Variants in SETD1B observed in about 807,000 individuals in gnomAD.
The protein encoded by SETD1B is SET domain containing 1B, histone lysine methyltransferase.
A neutral mutation model predicts 148.0 loss-of-function variants in SETD1B; 7 were observed. That is an observed-to-expected ratio of 0.05 (90% confidence interval 0.03 to 0.09). SETD1B has a LOEUF of 0.09. Among genes scored for constraint, SETD1B ranks in the 10% least tolerant of loss-of-function variants. SETD1B has a pLI of 1.00. For missense variants in SETD1B, 2,155 were observed against 2,729.9 expected (o/e 0.79, Z 4.69); for synonymous variants, 1,361 against 1,186.5 (o/e 1.15, Z -3.02).
chr12:121,821,562 C>T (rs2137575614), intron 11 of SETD1B, among the ~76,000 whole-genome samples: 1 of 151,988 alleles, frequency 6.6e-6, no homozygotes, highest in East Asian at 1.9e-4. Flanking sequence ...CCAGCCAGGC[C>T]AGCATGACGA....
At chr12:121,800,109 A>T (rs946517916), upstream of SETD1B, 5 of 151,942 alleles carry the variant, frequency 3.3e-5, no homozygotes, top group Admixed American at 3.3e-4. Flanking sequence ...TGGCTGAGTC[A>T]GAAGGTTCAA....
intron 11 of SETD1B, among the ~76,000 whole-genome samples, chr12:121,821,049 C>CA (rs1876543436): frequency 6.6e-6 from 1 of 152,160 alleles, no homozygotes; most frequent in Admixed American, 6.5e-5. Context: ...TTAGGTATAC[C>CA]AGGGAGTGTT....
intron 6 of SETD1B, among the ~76,000 whole-genome samples, chr12:121,811,685 G>A (rs1213789204): frequency 1.3e-5 from 2 of 152,172 alleles, no homozygotes; most frequent in East Asian, 3.9e-4. Flanking sequence ...GGGCAGTCAG[G>A]GGCTTAGACA....
At chr12:121,825,136 C>G in intron 12 of SETD1B, 64 bp from the exon 13 acceptor site, 2 of 1,487,280 alleles carry the variant, frequency 1.3e-6, no homozygotes, top group East Asian at 2.5e-5. Flanking sequence ...ATGGGCGGGA[C>G]CAGTCTATGA....
Position 121,814,363 on chromosome 12 carries a change from C to G in SETD1B, c.2148C>G (p.Pro716=). ...PPPLPPPPPP[P]PPAHPAVTVP... is the part of the protein sequence containing the mutation. ...CGCTGCCCCCACCGCCGCCCCCACC[C>G]CCTCCAGCCCACCCTGCTGTGACAG... Residue 716 remains proline, a synonymous_variant, in exon 7 of 17, where the codon CCC becomes CCG. Coordinates refer to ENST00000604567, the MANE Select transcript of SETD1B (RefSeq NM_001353345.2). 2.5e-6 allele frequency: 2 copies of G among 807,692 alleles called. No individual in the cohort carries two copies. Among genetic ancestry groups the G allele is most frequent in the Non-Finnish European group, 3.6e-6 (2 of 550,112 alleles). 50.0% of individuals were successfully genotyped at this position (807,692 alleles called of 1,614,324 possible).
Position 121,814,576 on chromosome 12 carries a change from G to T in SETD1B, c.2361G>T (p.Thr787=). 2 of 1,513,838 alleles carry T rather than the reference G, an allele frequency of 1.3e-6. No homozygotes were observed. The highest frequency in any genetic ancestry group is 2.5e-5 in the South Asian group (2 of 79,730). 93.8% of individuals were successfully genotyped at this position (1,513,838 alleles called of 1,614,324 possible). Residue 787 remains threonine (T), a synonymous_variant, in exon 7 of 17, where the codon ACG becomes ACT. Coordinates refer to ENST00000604567, the MANE Select transcript of SETD1B (RefSeq NM_001353345.2). Reference sequence around the variant, plus strand: ...CGCAGGTGCTCAGCCGGCTGATGACGGGCCAGGGCGCCTGCCCCTACCCGC... The same window carrying T: ...CGCAGGTGCTCAGCCGGCTGATGACTGGCCAGGGCGCCTGCCCCTACCCGC... ...MQTQVLSRLM[T]GQGACPYPPF...
chr12:121,807,101 G>A lies in SETD1B; in HGVS notation c.544+996G>A, dbSNP rs1022068365. Reference sequence around the variant, plus strand: ...CTGGGACACACCAAACCCAAGGCAGGAAAATCAGAACTTTTCTTTTTTTGC... The same window carrying A: ...CTGGGACACACCAAACCCAAGGCAGAAAAATCAGAACTTTTCTTTTTTTGC... On this transcript the variant is annotated intron_variant, in intron 4 of 16. Coordinates refer to ENST00000604567, the MANE Select transcript of SETD1B (RefSeq NM_001353345.2). 2.0e-5 allele frequency among the ~76,000 whole-genome samples: 3 copies of A among 152,222 alleles called. 1 individual carries two copies. The highest frequency in any genetic ancestry group is 7.2e-5 in the African/African-American group (3 of 41,454).
chr12:121,794,372 C>G, the SETD1B span: 2 of 152,270 alleles, frequency 1.3e-5, no homozygotes, highest in South Asian at 2.1e-4. Context: ...CCGGCCGCTC[C>G]GGGCGCAGGT....
At chr12:121,818,843 T>C (rs1265461886) in intron 10 of SETD1B, among the ~76,000 whole-genome samples, 1 of 144,484 alleles carries the variant, frequency 6.9e-6, no homozygotes, top group Non-Finnish European at 1.5e-5. Context: ...TGAGCCGGGA[T>C]CGCCCCACTG....
Position 121,831,525 on chromosome 12 carries a change from G to A in SETD1B, c.*1286G>A, listed in dbSNP as rs961331981. 6 of 151,484 alleles carry A rather than the reference G, an allele frequency of 4.0e-5. No individual in the cohort carries two copies. Among genetic ancestry groups the A allele is most frequent in the African/African-American group, 7.3e-5 (3 of 41,170 alleles). The allele number at this position is 151,484 out of a possible 1,614,324, so 9.4% of individuals were successfully genotyped here. On this transcript the variant is annotated 3_prime_UTR_variant, in exon 17 of 17. Coordinates refer to ENST00000604567, the MANE Select transcript of SETD1B (RefSeq NM_001353345.2). The stretch of plus-strand genomic sequence containing the variant: ...TTTTTGAAGTTCAGAACCAACTTCT[G>A]TATATAGAGGCTGCCGCAAAGGACT...
rs996821667 is a variant in SETD1B at position 121,814,426 on chromosome 12, G to A, written c.2211G>A (p.Pro737=). 33 of 915,550 alleles carry A rather than the reference G, an allele frequency of 3.6e-5. No individual in the cohort carries two copies. The highest frequency in any genetic ancestry group is 2.9e-4 in the African/African-American group (15 of 52,218). The allele number at this position is 915,550 out of a possible 1,614,324, so 56.7% of individuals were successfully genotyped here. ...CCTTGCCAGCGCCGCCTGGAGTCCCGCCCCCACCCATCCTGCCACCACTGC... is the reference window on the plus strand; with the variant it reads ...CCTTGCCAGCGCCGCCTGGAGTCCCACCCCCACCCATCCTGCCACCACTGC... ...PPPLPAPPGV[P]PPPILPPLPP... The change falls in exon 7 of 17, where the codon CCG becomes CCA. Residue 737 remains proline (P), a synonymous_variant. Transcript: ENST00000604567.
Position 121,805,327 on chromosome 12 carries a change from C to A in SETD1B, c.273+111C>A. ...ATTCCCAGTTCCCGCCGTCCGGGGC[C>A]AGGGAAGTTTTGGCGGGGAGGGGTA... On this transcript the variant is annotated intron_variant, in intron 3 of 16. Transcript: ENST00000604567. The surrounding 1 kb of genome is among the most constrained non-coding windows in gnomAD (Gnocchi z 4.2). The A allele has an allele frequency of 1.0e-6, 1 of 967,282 alleles. No homozygotes were observed. Among genetic ancestry groups the A allele is most frequent in the Non-Finnish European group, 1.6e-6 (1 of 639,850 alleles). The allele number at this position is 967,282 out of a possible 1,614,324, so 59.9% of individuals were successfully genotyped here.
chr12:121,817,733 G>A lies in SETD1B; in HGVS notation c.3312+29G>A. On this transcript the variant is annotated intron_variant, in intron 9 of 16. Coordinates refer to ENST00000604567, the MANE Select transcript of SETD1B (RefSeq NM_001353345.2). This position sits in a 1 kb window ranked among gnomAD's most constrained non-coding sequence, Gnocchi z 8.1. ...CCTAGCAGGCCAGGAAGCCTCAGGG[G>A]GCCGGGCCAGGCGACGAGGGCCAGA... is the stretch of plus-strand genomic sequence containing the variant. 2.0e-6 allele frequency: 3 copies of A among 1,537,504 alleles called. No individual in the cohort carries two copies. The highest frequency in any genetic ancestry group is 2.6e-6 in the Non-Finnish European group (3 of 1,136,972).
Position 121,830,334 on chromosome 12 carries a change from C to G in SETD1B, c.*95C>G. 1 of 1,244,034 alleles carries G rather than the reference C, an allele frequency of 8.0e-7. No homozygotes were observed. The highest frequency in any genetic ancestry group is 1.1e-6 in the Non-Finnish European group (1 of 908,926). 77.1% of individuals were successfully genotyped at this position (1,244,034 alleles called of 1,614,324 possible). On this transcript the variant is annotated 3_prime_UTR_variant, in exon 17 of 17. Transcript: ENST00000604567. This position sits in a 1 kb window ranked among gnomAD's most constrained non-coding sequence, Gnocchi z 5.7. ...GGGGCCCGGCCCCCCGCGCCCGCCC[C>G]CATTTCAGGTGCTGTCCTCTACCCA...
chr12:121,804,944 C>A lies in SETD1B; in HGVS notation c.174+33C>A. ...GCCGGCGCGCCCCCCCAGCCGTGCC[C>A]CGCGTCGTGTCCGGGGAGACGCGCC... On this transcript the variant is annotated intron_variant, in intron 2 of 16. Transcript: ENST00000604567. This position sits in a 1 kb window ranked among gnomAD's most constrained non-coding sequence, Gnocchi z 4.6. The A allele has an allele frequency of 6.8e-7, 1 of 1,478,854 alleles. No homozygotes were observed. The highest frequency in any genetic ancestry group is 9.0e-7 in the Non-Finnish European group (1 of 1,111,040). 91.6% of individuals were successfully genotyped at this position (1,478,854 alleles called of 1,614,324 possible). A position where few individuals can be genotyped will look rare whatever the true frequency, so the allele number is the denominator to read the frequency against.
Position 121,810,018 on chromosome 12 carries a change from G to A in SETD1B, c.1073G>A (p.Gly358Asp), listed in dbSNP as rs1364291907. The A allele has an allele frequency of 1.9e-6, 3 of 1,550,506 alleles. No homozygotes were observed. In the Admixed American group the frequency reaches 5.9e-5, roughly 30 times the overall value. The change falls in exon 6 of 17, where the codon GGC (glycine) becomes GAC (aspartate). Residue 358 changes from glycine (G) to aspartate (D), a missense_variant. Around this residue, in one of 11 missense-constraint regions of SETD1B, gnomAD observed 376 missense variants for 385.0 expected, o/e 0.98. Transcript: ENST00000604567. The surrounding 1 kb of genome is among the most constrained non-coding windows in gnomAD (Gnocchi z 7.6). ...GSSDLPFGAV[G>D]GTGGSSGPPF... ...TCGGACCTCCCGTTCGGAGCAGTCG[G>A]CGGCACTGGGGGCAGCAGCGGTCCC...
chr12:121,807,153 A>T (rs1675156952), intron 4 of SETD1B, among the ~76,000 whole-genome samples: 1 of 152,158 alleles, frequency 6.6e-6, no homozygotes, highest in Admixed American at 6.5e-5. Flanking sequence ...GTATTGACCG[A>T]GCTCTAAGCC....
chr12:121,814,324 C>A lies in SETD1B; in HGVS notation c.2109C>A (p.Phe703Leu). 1.3e-6 allele frequency: 1 copy of A among 791,180 alleles called. No homozygotes were observed. Among genetic ancestry groups the A allele is most frequent in the Non-Finnish European group, 1.7e-6 (1 of 580,566 alleles). The allele number at this position is 791,180 out of a possible 1,614,324, so 49.0% of individuals were successfully genotyped here. A position where few individuals can be genotyped will look rare whatever the true frequency, so the allele number is the denominator to read the frequency against. Residue 703 changes from phenylalanine (F) to leucine (L), a missense_variant, in exon 7 of 17, where the codon TTC becomes TTA. By Grantham distance (22) the Phe-to-Leu change is conservative (BLOSUM62 0). Coordinates refer to ENST00000604567, the MANE Select transcript of SETD1B (RefSeq NM_001353345.2). ...CACCACCCCCACCGCAGCCTGGCTT[C>A]CCCATGCCCCCACCGCTGCCCCCAC... Reference protein sequence around the residue: ...PPPPPPPQPGFPMPPPLPPPP... With the variant: ...PPPPPPPQPGLPMPPPLPPPP...
chr12:121,826,049 C>T (rs1202813183), intron 13 of SETD1B, among the ~76,000 whole-genome samples: 3 of 151,886 alleles, frequency 2.0e-5, no homozygotes, highest in East Asian at 1.9e-4. Flanking sequence ...TCCTATTCCT[C>T]GTGGAATTTA....
Sources: gnomAD v4.1 joint callset for allele counts (sites outside exome capture counted in the v4.1 genomes callset) on GRCh38, gnomAD v4.1.1 for gene constraint, gnomAD v4.1.1 regional missense constraint, Gnocchi (gnomAD v3.1) non-coding constraint, MANE v1.5 for transcripts, NCBI Gene and HGNC (gene_info 2026-07-23, HGNC 2026-07-21) for gene names.